The following GRIN2A variants were observed in gnomAD, a reference collection of about 807,000 sequenced individuals.
GRIN2A encodes glutamate receptor ionotropic, NMDA 2A.
Under a neutral mutation model 113.4 loss-of-function variants are expected in GRIN2A, and 22 were observed. The observed-to-expected ratio is 0.19, with a 90% CI of 0.14 to 0.28. GRIN2A has a LOEUF of 0.28. GRIN2A is among the 10% of genes least tolerant of loss of function. GRIN2A has a pLI of 1.00. For missense variants in GRIN2A, 1,502 were observed against 1,887.0 expected, an observed-to-expected ratio of 0.80 and a Z score of 3.78; for synonymous variants, 827 against 738.4, an observed-to-expected ratio of 1.12 and a Z score of -1.94.
chr16:10,173,869 G>A (rs373334218), intron 2 of GRIN2A, among the ~76,000 whole-genome samples: 12 of 152,238 alleles, frequency 7.9e-5, no homozygotes, highest in East Asian at 1.9e-4. Flanking sequence ...GAAATAAAAC[G>A]GGGTCAAAAT....
At chr16:9,967,427 C>T (rs960052991) in intron 2 of GRIN2A, among the ~76,000 whole-genome samples, 1 of 152,178 alleles carries the variant, frequency 6.6e-6, no homozygotes, top group African/African-American at 2.4e-5. Context: ...TACAATGGGC[C>T]GGGCACAGTG....
rs900473823 is a variant in GRIN2A, at chr16:9,759,050, C to T, written c.*4099G>A. 1 of 220,738 alleles carries T rather than the reference C, an allele frequency of 4.5e-6. No homozygotes were observed. The highest frequency in any genetic ancestry group is 9.1e-6 in the Non-Finnish European group (1 of 110,120). The allele number at this position is 220,738 out of a possible 1,614,324, so 13.7% of individuals were successfully genotyped here. A position where few individuals can be genotyped will look rare whatever the true frequency, so the allele number is the denominator to read the frequency against. On this transcript the variant is annotated 3_prime_UTR_variant, in exon 13 of 13. Transcript: ENST00000330684. The stretch of plus-strand genomic sequence containing the variant: ...GCTCCATTTCAGAAACAACGCATGT[C>T]CCCTTTTCAAGGATTCATGCACAAC...
chr16:9,799,446 G>A (rs1903222485), intron 10 of GRIN2A, among the ~76,000 whole-genome samples: 1 of 152,210 alleles, frequency 6.6e-6, no homozygotes, highest in Non-Finnish European at 1.5e-5. Flanking sequence ...CCTGATCTTG[G>A]ACATCTAGCC....
At chr16:10,077,946 C>CA (rs1389247499) in intron 2 of GRIN2A, among the ~76,000 whole-genome samples, 8 of 152,168 alleles carry the variant, frequency 5.3e-5, no homozygotes, top group African/African-American at 1.7e-4. Context: ...CTGGATCAGA[C>CA]AGCTCTGCTT....
intron 10 of GRIN2A, among the ~76,000 whole-genome samples, chr16:9,813,564 A>G (rs1375163321): frequency 1.4e-5 from 2 of 140,408 alleles, no homozygotes; most frequent in Non-Finnish European, 3.1e-5. Context: ...TTATGATCTC[A>G]CTTTATTTAA....
At chr16:9,961,214 G>C (rs1213387103) in intron 2 of GRIN2A, among the ~76,000 whole-genome samples, 1 of 152,148 alleles carries the variant, frequency 6.6e-6, no homozygotes, top group Non-Finnish European at 1.5e-5. Flanking sequence ...TGTGGTCCCG[G>C]AGGAAGACAT....
chr16:10,016,452 A>C (rs552047593), intron 2 of GRIN2A, among the ~76,000 whole-genome samples: 1 of 152,068 alleles, frequency 6.6e-6, no homozygotes, highest in South Asian at 2.1e-4. Context: ...GATTCACTGC[A>C]TCTAGTATTG....
chr16:9,884,980 AC>A (rs1014484167), intron 4 of GRIN2A, among the ~76,000 whole-genome samples: 120 of 151,486 alleles, frequency 7.9e-4, no homozygotes, highest in African/African-American at 2.8e-3. Context: ...CTCGTGATCC[AC>A]CCACCTCGGC....
At position 9,935,694 on chromosome 16, in the gene GRIN2A, T is replaced by TTTA. The variant is rs889017313; in HGVS notation, c.1007+2262_1007+2264dup. On this transcript the variant is annotated intron_variant, in intron 3 of 12. Coordinates refer to ENST00000330684, the MANE Select transcript of GRIN2A (RefSeq NM_001134407.3). ...CATGGTTTGTTGACTGTATTTCCCT[T>TTTA]TTATTATTATTATTTTTTTGAGATG... Among the ~76,000 whole-genome samples, 6 of 151,906 alleles carry TTTA rather than the reference T, an allele frequency of 3.9e-5. No individual in the cohort carries two copies. In the South Asian group the frequency reaches 6.2e-4, roughly 16 times the overall value.
intron 2 of GRIN2A, among the ~76,000 whole-genome samples, chr16:10,141,820 C>T (rs2049331728): frequency 6.6e-6 from 1 of 152,216 alleles, no homozygotes; most frequent in Admixed American, 6.5e-5. Context: ...GATACCAGAG[C>T]TCAGAAGGGA....
At chr16:10,118,546 G>A (rs953402404) in intron 2 of GRIN2A, among the ~76,000 whole-genome samples, 6 of 152,148 alleles carry the variant, frequency 3.9e-5, no homozygotes, top group African/African-American at 1.4e-4. Context: ...TATTTTACAT[G>A]CCCAATCCTC....
At chr16:10,050,767 G>C (rs1011765701) in intron 2 of GRIN2A, among the ~76,000 whole-genome samples, 6 of 152,068 alleles carry the variant, frequency 3.9e-5, no homozygotes, top group Admixed American at 3.9e-4. Context: ...CCACGAAACT[G>C]GTCCCTGGTG....
At chr16:10,044,007 G>GTGTATATATATATATA (rs1555469968) in intron 2 of GRIN2A, among the ~76,000 whole-genome samples, 3 of 116,926 alleles carry the variant, frequency 2.6e-5, no homozygotes, top group African/African-American at 1.0e-4. Flanking sequence ...GTGTGTGTGT[G>GTGTATATATATATATA]TATATATATA....
At chr16:9,780,340 T>C (rs1184884142) in intron 11 of GRIN2A, among the ~76,000 whole-genome samples, 3 of 152,144 alleles carry the variant, frequency 2.0e-5, no homozygotes, top group Non-Finnish European at 4.4e-5. Flanking sequence ...AAAAGTGATG[T>C]AAATGCCCAT....
chr16:9,799,340 T>C (rs753322200), intron 10 of GRIN2A, among the ~76,000 whole-genome samples: 6 of 152,200 alleles, frequency 3.9e-5, no homozygotes, highest in African/African-American at 7.2e-5. Flanking sequence ...ACTGGAGTTA[T>C]GCTGCTGCAA....
intron 4 of GRIN2A, among the ~76,000 whole-genome samples, chr16:9,871,175 G>C (rs2043253879): frequency 6.6e-6 from 1 of 152,050 alleles, no homozygotes; most frequent in South Asian, 2.1e-4. Flanking sequence ...CTTCCACCCA[G>C]CTCTGAGTCA....
chr16:10,062,445 G>T (rs2047565722), intron 2 of GRIN2A, among the ~76,000 whole-genome samples: 2 of 152,208 alleles, frequency 1.3e-5, no homozygotes, highest in Admixed American at 1.3e-4. Flanking sequence ...TTCTAGAAAT[G>T]CAAATTGTCA....
intron 2 of GRIN2A, among the ~76,000 whole-genome samples, chr16:10,096,322 C>G (rs73512720): frequency 0.2 from 30,075 of 151,912 alleles, 3,531 homozygotes; most frequent in African/African-American, 0.33. Flanking sequence ...CAACCAGCAG[C>G]AGCACCTAAC....
intron 11 of GRIN2A, among the ~76,000 whole-genome samples, chr16:9,772,760 T>A (rs1174923942): frequency 7.2e-5 from 11 of 152,052 alleles, no homozygotes; most frequent in African/African-American, 2.4e-4. Context: ...CGGTGTTGCC[T>A]CAAACCAAGC....
Sources: gnomAD v4.1 joint callset for allele counts (sites outside exome capture counted in the v4.1 genomes callset) on GRCh38, gnomAD v4.1.1 for gene constraint, MANE v1.5 for transcripts, NCBI Gene and HGNC (gene_info 2026-07-23, HGNC 2026-07-21) for gene names.